The following TNRC6C variants were observed in gnomAD, a reference collection of about 807,000 sequenced individuals.
TNRC6C encodes the protein trinucleotide repeat containing adaptor 6C, also known as trinucleotide repeat-containing gene 6C protein.
Under a neutral mutation model 153.7 loss-of-function variants are expected in TNRC6C, and 20 were observed. The ratio of observed to expected loss-of-function variants is 0.13; its 90% CI spans 0.09 to 0.19. The LOEUF (loss-of-function observed/expected upper bound fraction) is 0.19. Ranked by LOEUF, TNRC6C falls within the 10% of genes least tolerant of loss-of-function variation. The pLI is 1.00. For missense variants in TNRC6C, 1,987 were observed against 2,172.0 expected (o/e 0.91, Z 1.69); for synonymous variants, 811 against 841.4 (o/e 0.96, Z 0.63).
chr17:78,003,943 T>TTGGTG (rs1242732552), upstream of TNRC6C, among the ~76,000 whole-genome samples: 2 of 152,180 alleles, frequency 1.3e-5, no homozygotes, highest in African/African-American at 2.4e-5. Context: ...TGATGATGGG[T>TTGGTG]TGGTGTTCAA....
chr17:78,063,102 C>G (rs1019007744), intron 3 of TNRC6C, among the ~76,000 whole-genome samples: 1 of 151,646 alleles, frequency 6.6e-6, no homozygotes, highest in Admixed American at 6.6e-5. Context: ...AAAAATTAGC[C>G]GAGCATGTTG....
intron 1 of TNRC6C, among the ~76,000 whole-genome samples, chr17:78,017,497 G>C (rs2071749960): frequency 6.6e-6 from 1 of 152,202 alleles, no homozygotes; most frequent in Non-Finnish European, 1.5e-5. Flanking sequence ...TCAACAGCTT[G>C]AAGTGCTTGT....
intron 16 of TNRC6C, chr17:78,097,826 C>T (rs1378706574): frequency 6.4e-7 from 1 of 1,550,418 alleles, no homozygotes; most frequent in Non-Finnish European, 8.7e-7. Context: ...TACAGTAGCT[C>T]TTTCAGCAGC....
intron 1 of TNRC6C, among the ~76,000 whole-genome samples, chr17:77,979,517 T>C (rs2071044520): frequency 1.3e-5 from 2 of 151,900 alleles, no homozygotes; most frequent in Non-Finnish European, 2.9e-5. Flanking sequence ...CAGAAGACAA[T>C]ATCCATACCA....
chr17:78,007,619 G>T (rs1306608802), intron 1 of TNRC6C, among the ~76,000 whole-genome samples: 1 of 152,204 alleles, frequency 6.6e-6, no homozygotes, highest in Non-Finnish European at 1.5e-5. Context: ...GAGGGCAGGG[G>T]CCACATTTGC....
chr17:78,104,685 T>C lies in TNRC6C; in HGVS notation c.4913T>C (p.Leu1638Pro). 6.5e-6 allele frequency: 10 copies of C among 1,541,766 alleles called. No homozygotes were observed. The highest frequency in any genetic ancestry group is 8.7e-6 in the Non-Finnish European group (10 of 1,146,176). Reference sequence around the variant, plus strand: ...GCTGGCCACTGGAACGCCCCGTGCCTGGGTGGCAAGGGGAGCAGTGAGCTG... The same window carrying C: ...GCTGGCCACTGGAACGCCCCGTGCCCGGGTGGCAAGGGGAGCAGTGAGCTG... The change falls in exon 20 of 20, where the codon CTG becomes CCG. Residue 1638 changes from leucine (L) to proline (P), a missense_variant. Coordinates refer to ENST00000301624, the Ensembl canonical transcript of TNRC6C. The surrounding 1 kb of genome is among the most constrained non-coding windows in gnomAD (Gnocchi z 6.2).
At chr17:78,083,836 G>T (rs2073225370) in intron 11 of TNRC6C, among the ~76,000 whole-genome samples, 1 of 151,970 alleles carries the variant, frequency 6.6e-6, no homozygotes, top group Non-Finnish European at 1.5e-5. Flanking sequence ...TTTTCAATCA[G>T]TCTTACTGAT....
chr17:78,031,600 G>A (rs2072075710), exon 2 of TNRC6C: 1 of 1,232,260 alleles, frequency 8.1e-7, no homozygotes, highest in African/African-American at 1.6e-5. Flanking sequence ...ATCTCAAGCA[G>A]CAACAATGGC....
exon 6 of TNRC6C, chr17:78,071,148 A>G: frequency 1.2e-6 from 2 of 1,604,868 alleles, no homozygotes; most frequent in Admixed American, 1.7e-5. Flanking sequence ...CAAACAACTC[A>G]CAGACATGGG....
intron 10 of TNRC6C, among the ~76,000 whole-genome samples, chr17:78,081,996 G>A (rs1328942117): frequency 1.3e-5 from 2 of 150,658 alleles, no homozygotes; most frequent in African/African-American, 4.9e-5. Context: ...TATTCTTTAC[G>A]TGCTAACTAC....
chr17:78,031,844 T>TA lies in TNRC6C; in HGVS notation c.-219+7dup, dbSNP rs1014858256. ...ATCATCCCAGTAAGCTCCAACCAGG[T>TA]AAAAACCACATAGGATGAGACATTG... On this transcript the variant is annotated splice_region_variant and intron_variant, in intron 2 of 19. Coordinates refer to ENST00000301624, the Ensembl canonical transcript of TNRC6C. 1.6e-6 allele frequency: 2 copies of TA among 1,232,064 alleles called. No homozygotes were observed. The highest frequency in any genetic ancestry group is 1.6e-5 in the African/African-American group (1 of 64,418). The allele number at this position is 1,232,064 out of a possible 1,614,324, so 76.3% of individuals were successfully genotyped here. A position where few individuals can be genotyped will look rare whatever the true frequency, so the allele number is the denominator to read the frequency against.
At chr17:77,999,900 G>A (rs561961172), upstream of TNRC6C, among the ~76,000 whole-genome samples, 1 of 152,332 alleles carries the variant, frequency 6.6e-6, no homozygotes, top group African/African-American at 2.4e-5. Flanking sequence ...AACACAGCCA[G>A]GGAGTGACAA....
At chr17:78,068,888 T>C (rs79247944) in intron 5 of TNRC6C, among the ~76,000 whole-genome samples, 1 of 152,084 alleles carries the variant, frequency 6.6e-6, no homozygotes, top group Non-Finnish European at 1.5e-5. Context: ...GTGTATCTCA[T>C]TTTTTTCTAG....
At chr17:77,978,895 C>A (rs1050082516) in intron 1 of TNRC6C, among the ~76,000 whole-genome samples, 1 of 152,148 alleles carries the variant, frequency 6.6e-6, no homozygotes, top group Non-Finnish European at 1.5e-5. Flanking sequence ...AGTGATTCAC[C>A]CTTGCTCTTA....
intron 2 of TNRC6C, among the ~76,000 whole-genome samples, chr17:78,038,741 T>TGATA (rs1348659434): frequency 6.6e-6 from 1 of 151,912 alleles, no homozygotes; most frequent in African/African-American, 2.4e-5. Flanking sequence ...GAAACAGCAT[T>TGATA]GATAGATCAC....
Position 77,978,811 on chromosome 17 carries a change from A to G in TNRC6C, c.-38+19543A>G, listed in dbSNP as rs1285260517. Reference sequence around the variant, plus strand: ...ACTTTTTACCCTAGGTGTATGGTGAACCTAAAAATTTTCCTGAAATCCAGC... The same window carrying G: ...ACTTTTTACCCTAGGTGTATGGTGAGCCTAAAAATTTTCCTGAAATCCAGC... On this transcript the variant is annotated intron_variant, in intron 1 of 22. Transcript: ENST00000636222. 4.6e-5 allele frequency among the ~76,000 whole-genome samples: 7 copies of G among 152,246 alleles called. No individual in the cohort carries two copies. In the East Asian group the frequency reaches 1.2e-3, roughly 25 times the overall value.
chr17:78,054,629 C>A (rs1276807585), intron 3 of TNRC6C, among the ~76,000 whole-genome samples: 1 of 151,748 alleles, frequency 6.6e-6, no homozygotes, highest in Non-Finnish European at 1.5e-5. Flanking sequence ...CTAGTATACA[C>A]CACTGCAGAC....
In TNRC6C at chr17:78,029,808, GACACAC is replaced by G. The variant is rs57924935; in HGVS notation, c.-545-1684_-545-1679del. ...AACTTTTAAACTTATTAAAAACCTA[GACACAC>G]ACACACACACACACACACACACATA... On this transcript the variant is annotated intron_variant, in intron 1 of 19. Transcript: ENST00000301624. Among the ~76,000 whole-genome samples, 387 of 146,374 alleles carry G rather than the reference GACACAC, an allele frequency of 2.6e-3. 2 individuals carry two copies. Among genetic ancestry groups the G allele is most frequent in the African/African-American group, 8.7e-3 (351 of 40,184 alleles).
chr17:77,957,815 G>A (rs568059903), upstream of TNRC6C, among the ~76,000 whole-genome samples: 1 of 152,376 alleles, frequency 6.6e-6, no homozygotes, highest in Admixed American at 6.5e-5. Context: ...ATATCGAGGA[G>A]CCGTGGAATG....
Sources: gnomAD v4.1 joint callset for allele counts (sites outside exome capture counted in the v4.1 genomes callset) on GRCh38, gnomAD v4.1.1 for gene constraint, Gnocchi (gnomAD v3.1) non-coding constraint, MANE v1.5 for transcripts, NCBI Gene and HGNC (gene_info 2026-07-23, HGNC 2026-07-21) for gene names.